Variants in EYS observed in about 807,000 individuals in gnomAD.
EYS encodes protein eyes shut homolog.
Under a neutral mutation model 282.1 loss-of-function variants are expected in EYS, and 250 were observed. That is an observed-to-expected ratio of 0.89 (90% CI 0.80 to 0.98). The LOEUF is 0.98. EYS is among the 50% of genes least tolerant of loss of function. The pLI, the probability that EYS is intolerant of heterozygous loss-of-function variation, is 0.00. For missense variants in EYS, 4,016 were observed against 3,709.0 expected (o/e 1.08, Z -2.15); for synonymous variants, 1,355 against 1,282.9 (o/e 1.06, Z -1.20).
intron 29 of EYS, among the ~76,000 whole-genome samples, chr6:64,372,659 A>T (rs1042737166): frequency 2.0e-5 from 3 of 151,272 alleles, no homozygotes; most frequent in African/African-American, 7.3e-5. Context: ...TTAGCTTTTA[A>T]CCCTCTTTTG....
intron 22 of EYS, among the ~76,000 whole-genome samples, chr6:64,688,148 A>C (rs1171505212): frequency 2.6e-5 from 4 of 151,266 alleles, no homozygotes; most frequent in African/African-American, 9.7e-5. Context: ...GCGGTCAATC[A>C]ATCTTGTGGA....
At chr6:65,163,385 T>G (rs986543476) in intron 12 of EYS, among the ~76,000 whole-genome samples, 1 of 151,270 alleles carries the variant, frequency 6.6e-6, no homozygotes, top group South Asian at 2.1e-4. Context: ...GACTCTAGAA[T>G]GAAATTAAAC....
chr6:64,916,687 T>A (rs982260210), intron 15 of EYS, among the ~76,000 whole-genome samples: 2 of 152,084 alleles, frequency 1.3e-5, no homozygotes, highest in African/African-American at 4.8e-5. Context: ...AGAGTCTTTA[T>A]GGATTAAAAA....
intron 35 of EYS, among the ~76,000 whole-genome samples, chr6:63,888,866 C>A (rs1352525961): frequency 6.6e-6 from 1 of 152,068 alleles, no homozygotes; most frequent in African/African-American, 2.4e-5. Flanking sequence ...ATGTTCTAAT[C>A]CAATGAAAGA....
At chr6:63,982,018 A>G (rs1178345799) in intron 35 of EYS, among the ~76,000 whole-genome samples, 3 of 152,044 alleles carry the variant, frequency 2.0e-5, no homozygotes, top group African/African-American at 4.8e-5. Flanking sequence ...TTATTTTCAA[A>G]TACATATTAA....
intron 5 of EYS, among the ~76,000 whole-genome samples, chr6:65,465,843 T>C (rs1413124859): frequency 1.3e-5 from 2 of 151,912 alleles, no homozygotes; most frequent in Non-Finnish European, 1.5e-5. Flanking sequence ...CAGCTGAATG[T>C]GTTGGCTGAT....
intron 30 of EYS, among the ~76,000 whole-genome samples, chr6:64,291,707 G>A (rs1278316964): frequency 1.3e-5 from 2 of 151,972 alleles, no homozygotes; most frequent in Non-Finnish European, 2.9e-5. Flanking sequence ...CTGCTCTTAA[G>A]TGTCTTTGTC....
At chr6:65,651,589 T>C (rs1300662683) in intron 1 of EYS, among the ~76,000 whole-genome samples, 1 of 152,072 alleles carries the variant, frequency 6.6e-6, no homozygotes, top group Non-Finnish European at 1.5e-5. Flanking sequence ...CCCTCTCCAG[T>C]TGCAAAACTC....
chr6:64,640,485 C>T (rs1384155543), intron 22 of EYS, among the ~76,000 whole-genome samples: 1 of 151,430 alleles, frequency 6.6e-6, no homozygotes, highest in Non-Finnish European at 1.5e-5. Flanking sequence ...AACCAAACAC[C>T]ACATGTTCTC....
intron 36 of EYS, among the ~76,000 whole-genome samples, chr6:63,839,948 T>C (rs759040470): frequency 6.6e-6 from 1 of 152,172 alleles, no homozygotes; most frequent in African/African-American, 2.4e-5. Context: ...GGTTTGCATT[T>C]CCTTGCTGAT....
intron 31 of EYS, among the ~76,000 whole-genome samples, chr6:64,114,144 A>G (rs116005739): frequency 0.024 from 3,634 of 152,292 alleles, 128 homozygotes; most frequent in African/African-American, 0.082. Flanking sequence ...TCTCCAGACA[A>G]TATTATGAGC....
At chr6:65,686,932 TG>T (rs1431345379) in intron 1 of EYS, among the ~76,000 whole-genome samples, 2 of 152,050 alleles carry the variant, frequency 1.3e-5, no homozygotes, top group Non-Finnish European at 2.9e-5. Flanking sequence ...TTTTTTTTAA[TG>T]TTATAGGCTA....
intron 19 of EYS, among the ~76,000 whole-genome samples, chr6:64,824,178 T>C (rs1206192166): frequency 6.6e-6 from 1 of 151,870 alleles, no homozygotes; most frequent in African/African-American, 2.4e-5. Flanking sequence ...ACACTTCCCT[T>C]TCATGCTGGG....
chr6:65,430,658 T>C (rs1767849713), intron 5 of EYS, among the ~76,000 whole-genome samples: 1 of 151,140 alleles, frequency 6.6e-6, no homozygotes, highest in Admixed American at 6.6e-5. Flanking sequence ...GAGAAAAGAG[T>C]GGGGAGGACT....
At chr6:65,362,046 TC>T (rs199503456) in intron 8 of EYS, among the ~76,000 whole-genome samples, 1,982 of 110,446 alleles carry the variant, frequency 0.018, 46 homozygotes, top group African/African-American at 0.062. Flanking sequence ...AACCTGTTCT[TC>T]CCATATTTTC....
At chr6:64,528,539 T>G (rs948373876) in intron 26 of EYS, among the ~76,000 whole-genome samples, 13 of 152,008 alleles carry the variant, frequency 8.6e-5, no homozygotes, top group Admixed American at 2.6e-4. Flanking sequence ...GTGTTTTGCT[T>G]TGAATCTTTT....
chr6:65,057,168 G>GA (rs1351903598), intron 13 of EYS, among the ~76,000 whole-genome samples: 1 of 151,856 alleles, frequency 6.6e-6, no homozygotes. Context: ...AGTTTATGGA[G>GA]AAAAAATACA....
chr6:63,953,979 T>C lies in EYS; in HGVS notation c.7055+30404A>G, dbSNP rs572868491. On this transcript the variant is annotated intron_variant, in intron 35 of 42. Coordinates refer to ENST00000503581, the MANE Select transcript of EYS (RefSeq NM_001142800.2). ...CTCAACTGACTCTCTACAGTTTTCATAACTTCCAAAATCTGTTTTCTTCCT... is the reference window on the plus strand; with the variant it reads ...CTCAACTGACTCTCTACAGTTTTCACAACTTCCAAAATCTGTTTTCTTCCT... Among the ~76,000 whole-genome samples the C allele has an allele frequency of 8.9e-4, 136 of 152,314 alleles. 1 individual carries two copies. The highest frequency in any genetic ancestry group is 3.1e-3 in the African/African-American group (128 of 41,576).
At chr6:64,224,574 A>G (rs1381534867) in intron 31 of EYS, among the ~76,000 whole-genome samples, 2 of 152,196 alleles carry the variant, frequency 1.3e-5, no homozygotes, top group East Asian at 3.9e-4. Context: ...TCTTTTAAGT[A>G]TCATTTAAAC....
Sources: allele counts gnomAD v4.1 joint callset (sites outside exome capture counted in the v4.1 genomes callset), GRCh38; gene constraint gnomAD v4.1.1; transcripts MANE v1.5; gene names NCBI Gene and HGNC (gene_info 2026-07-23, HGNC 2026-07-21).